PEAK1: variants seen among roughly 807,000 people sequenced by gnomAD.
The protein encoded by PEAK1 is pseudopodium enriched atypical kinase 1, also known as inactive tyrosine-protein kinase PEAK1.
PEAK1 carries 54 observed loss-of-function variants against 124.7 expected under a neutral mutation model. The ratio of observed to expected loss-of-function variants is 0.43; its 90% CI spans 0.35 to 0.54. The LOEUF is 0.54. PEAK1 is among the 20% of genes least tolerant of loss of function. The pLI is 0.01. For synonymous variants in PEAK1, 719 were observed against 760.0 expected, an observed-to-expected ratio of 0.95 and a Z score of 0.89; for missense variants, 2,046 against 2,134.5, an observed-to-expected ratio of 0.96 and a Z score of 0.82.
downstream of PEAK1, chr15:77,103,729 G>C (rs1383879965): frequency 6.6e-6 from 1 of 152,284 alleles, no homozygotes; most frequent in East Asian, 1.9e-4. Flanking sequence ...AGTTGCCTTT[G>C]TGGTTCCAGA....
At chr15:77,146,305 C>T (rs569297392) in intron 8 of PEAK1, among the ~76,000 whole-genome samples, 1 of 152,262 alleles carries the variant, frequency 6.6e-6, no homozygotes, top group Admixed American at 6.5e-5. Flanking sequence ...CAACAACTGG[C>T]AAATCACAGG....
chr15:77,148,056 TAA>T (rs1397340823), intron 8 of PEAK1, among the ~76,000 whole-genome samples: 1 of 152,166 alleles, frequency 6.6e-6, no homozygotes, highest in African/African-American at 2.4e-5. Context: ...ATGAACAAAA[TAA>T]AGTTTGCATT....
At chr15:77,135,741 G>A (rs1332642010) in intron 8 of PEAK1, among the ~76,000 whole-genome samples, 6 of 152,124 alleles carry the variant, frequency 3.9e-5, no homozygotes, top group South Asian at 2.1e-4. Context: ...CCCTGCACAC[G>A]TTCTCTCTCT....
chr15:77,410,550 G>A (rs2072325364), intron 1 of PEAK1, among the ~76,000 whole-genome samples: 1 of 152,154 alleles, frequency 6.6e-6, no homozygotes, highest in Non-Finnish European at 1.5e-5. Context: ...AATATCTTCA[G>A]CTTTCTTGAA....
At chr15:77,202,207 C>T (rs2058393550) in intron 6 of PEAK1, among the ~76,000 whole-genome samples, 1 of 152,144 alleles carries the variant, frequency 6.6e-6, no homozygotes, top group Non-Finnish European at 1.5e-5. Flanking sequence ...TGGGGTGTTG[C>T]TCAATTGCGC....
At chr15:77,271,620 T>C (rs1050695608) in intron 5 of PEAK1, among the ~76,000 whole-genome samples, 3 of 152,180 alleles carry the variant, frequency 2.0e-5, no homozygotes, top group Non-Finnish European at 2.9e-5. Flanking sequence ...GGTGAGTTCA[T>C]GTCCTTTGTA....
chr15:77,401,490 C>T, intron 1 of PEAK1: 1 of 958,740 alleles, frequency 1.0e-6, no homozygotes, highest in Non-Finnish European at 1.2e-6. Context: ...AGTCATAATA[C>T]AATTTTTAAG....
chr15:77,160,130 G>A (rs1345078859), intron 7 of PEAK1, among the ~76,000 whole-genome samples: 3 of 152,074 alleles, frequency 2.0e-5, no homozygotes, highest in South Asian at 4.2e-4. Context: ...ACCCAAAAGA[G>A]GGGCTCCACA....
In PEAK1 at chr15:77,114,405, C is replaced by A; in HGVS notation, c.4992G>T (p.Gln1664His). ...ILISDAKGIL[Q>H]CLLWGPREDL... Reference sequence around the variant, plus strand: ...CTTCGCGGGGGCCCCAGAGCAGACACTGGAGGATGCCTTTGGCGTCTGAAA... The same window carrying A: ...CTTCGCGGGGGCCCCAGAGCAGACAATGGAGGATGCCTTTGGCGTCTGAAA... Residue 1664 changes from glutamine (Q) to histidine (H), a missense_variant, in exon 10 of 10, where the codon CAG becomes CAT. Physicochemically the swap from Gln to His is conservative, Grantham distance 24. Transcript: ENST00000682557. 6.2e-7 allele frequency: 1 copy of A among 1,614,206 alleles called. No homozygotes were observed. The highest frequency in any genetic ancestry group is 8.5e-7 in the Non-Finnish European group (1 of 1,180,034).
chr15:77,150,140 A>G (rs1401490143), intron 8 of PEAK1, among the ~76,000 whole-genome samples: 1 of 152,200 alleles, frequency 6.6e-6, no homozygotes, highest in Non-Finnish European at 1.5e-5. Flanking sequence ...TTTTGAATGC[A>G]AAGTGATGAT....
At chr15:77,190,799 C>T (rs1464719375) in intron 6 of PEAK1, among the ~76,000 whole-genome samples, 1 of 152,068 alleles carries the variant, frequency 6.6e-6, no homozygotes, top group Admixed American at 6.6e-5. Context: ...AGAAGACAGC[C>T]AATGGTAATG....
At chr15:77,189,150 G>A (rs193150750) in intron 6 of PEAK1, among the ~76,000 whole-genome samples, 59 of 152,222 alleles carry the variant, frequency 3.9e-4, no homozygotes, top group African/African-American at 1.3e-3. Flanking sequence ...GCAGTGAGCC[G>A]AGATCGCGCC....
At chr15:77,287,181 T>C (rs1230822667) in intron 2 of PEAK1, among the ~76,000 whole-genome samples, 2 of 152,192 alleles carry the variant, frequency 1.3e-5, no homozygotes. Flanking sequence ...TCAACTACCA[T>C]ATTAATCCAC....
intron 5 of PEAK1, among the ~76,000 whole-genome samples, chr15:77,266,788 C>G (rs1175504301): frequency 6.6e-6 from 1 of 152,168 alleles, no homozygotes; most frequent in African/African-American, 2.4e-5. Flanking sequence ...TCTGCTCCAA[C>G]AACTACCACA....
chr15:77,324,440 C>G (rs975168875), intron 2 of PEAK1, among the ~76,000 whole-genome samples: 1 of 152,130 alleles, frequency 6.6e-6, no homozygotes, highest in Non-Finnish European at 1.5e-5. Flanking sequence ...GAGATCACAC[C>G]ACTGGGCGAC....
intron 5 of PEAK1, among the ~76,000 whole-genome samples, chr15:77,270,036 T>G (rs749833842): frequency 3.9e-5 from 6 of 152,210 alleles, no homozygotes; most frequent in Admixed American, 1.3e-4. Flanking sequence ...GTCTGAGAGA[T>G]AGTTTGTTAT....
intron 1 of PEAK1, chr15:77,404,161 A>G (rs2071606993): frequency 1.0e-6 from 1 of 985,328 alleles, no homozygotes; most frequent in African/African-American, 1.7e-5. Context: ...AAATATAGAA[A>G]TACCTAATTT....
intron 8 of PEAK1, among the ~76,000 whole-genome samples, chr15:77,153,543 C>G (rs2054849577): frequency 6.6e-6 from 1 of 152,074 alleles, no homozygotes; most frequent in African/African-American, 2.4e-5. Context: ...AATGTGTTTG[C>G]TCTTGCTTTT....
At chr15:77,331,641 G>T (rs1164025160) in intron 2 of PEAK1, among the ~76,000 whole-genome samples, 1 of 151,502 alleles carries the variant, frequency 6.6e-6, no homozygotes, top group Non-Finnish European at 1.5e-5. Context: ...TTTTTGAGAT[G>T]GAGTCTCATT....
Sources: gnomAD v4.1 joint callset for allele counts (sites outside exome capture counted in the v4.1 genomes callset) on GRCh38, gnomAD v4.1.1 for gene constraint, MANE v1.5 for transcripts, NCBI Gene and HGNC (gene_info 2026-07-23, HGNC 2026-07-21) for gene names.